The following TNFSF10 variants were observed in gnomAD, a reference collection of about 807,000 sequenced individuals.
The protein encoded by TNFSF10 is tumor necrosis factor ligand superfamily member 10.
TNFSF10 carries 13 observed loss-of-function variants against 29.5 expected under a neutral mutation model. The observed-to-expected ratio is 0.44, with a 90% CI of 0.29 to 0.70. The LOEUF (loss-of-function observed/expected upper bound fraction) is 0.70, where lower values mean the gene tolerates loss of function less well. TNFSF10 is among the 30% of genes least tolerant of loss of function. The pLI is 0.13. For synonymous variants in TNFSF10, 111 were observed against 112.8 expected, an observed-to-expected ratio of 0.98 and a Z score of 0.10; for missense variants, 345 against 330.9, an observed-to-expected ratio of 1.04 and a Z score of -0.33.
chr3:172,519,153 C>T (rs538738991), intron 1 of TNFSF10, among the ~76,000 whole-genome samples: 27 of 152,296 alleles, frequency 1.8e-4, no homozygotes, highest in Admixed American at 1.7e-3. Context: ...GTTGCTGGTA[C>T]ACAGTAATTG....
chr3:172,509,446 T>C (rs1713127844), intron 3 of TNFSF10, 125 bp from the exon 4 acceptor site: 1 of 601,934 alleles, frequency 1.7e-6, no homozygotes, highest in African/African-American at 1.9e-5. Flanking sequence ...ATTCTATGAG[T>C]TTTCATAAAA....
At chr3:172,522,336 C>T (rs1025446581) in intron 1 of TNFSF10, 3 of 983,476 alleles carry the variant, frequency 3.1e-6, no homozygotes, top group Admixed American at 1.7e-5. Flanking sequence ...AGCTACATTA[C>T]AGATTTTTTC....
intron 1 of TNFSF10, among the ~76,000 whole-genome samples, chr3:172,516,493 C>A (rs780690493): frequency 6.6e-6 from 1 of 152,178 alleles, no homozygotes; most frequent in Non-Finnish European, 1.5e-5. Flanking sequence ...AGCCATGTAA[C>A]CCTTGGACAT....
At chr3:172,512,110 A>G (rs931036300) in intron 2 of TNFSF10, among the ~76,000 whole-genome samples, 1 of 152,108 alleles carries the variant, frequency 6.6e-6, no homozygotes, top group Non-Finnish European at 1.5e-5. Context: ...TATTGGACAG[A>G]CCCAAGCCTC....
intron 4 of TNFSF10, among the ~76,000 whole-genome samples, chr3:172,507,949 A>G (rs575930416): frequency 6.6e-6 from 1 of 152,356 alleles, no homozygotes; most frequent in Non-Finnish European, 1.5e-5. Context: ...ATCTTTGCAT[A>G]TGAAGAAACT....
At chr3:172,522,081 T>TA (rs36100137) in intron 1 of TNFSF10, 181,775 of 210,110 alleles carry the variant, frequency 0.87, 78,902 homozygotes, top group East Asian at 1. Flanking sequence ...TTAGAACAAA[T>TA]CCTAATGCCT....
At chr3:172,515,317 T>C (rs1195469294) in intron 1 of TNFSF10, among the ~76,000 whole-genome samples, 1 of 152,186 alleles carries the variant, frequency 6.6e-6, no homozygotes, top group Non-Finnish European at 1.5e-5. Flanking sequence ...TGTGTCTGTT[T>C]ATAGTTTTGA....
intron 1 of TNFSF10, among the ~76,000 whole-genome samples, chr3:172,519,368 TGAGTA>T (rs150235139): frequency 0.3 from 45,848 of 151,744 alleles, 7,753 homozygotes; most frequent in African/African-American, 0.45. Context: ...ATGAGTCAGT[TGAGTA>T]AAGAACTGGT....
chr3:172,516,174 T>G (rs374226058), intron 1 of TNFSF10, among the ~76,000 whole-genome samples: 11 of 150,406 alleles, frequency 7.3e-5, no homozygotes, highest in Admixed American at 5.3e-4. Context: ...TGAGGCAGGA[T>G]AATGGTGTGA....
intron 4 of TNFSF10, among the ~76,000 whole-genome samples, chr3:172,508,632 G>A (rs1339076240): frequency 1.3e-5 from 2 of 152,146 alleles, no homozygotes; most frequent in African/African-American, 2.4e-5. Context: ...GCTCACACCT[G>A]TAATCCCAGC....
chr3:172,506,378 T>G lies in TNFSF10; in HGVS notation c.*114A>C. On this transcript the variant is annotated 3_prime_UTR_variant, in exon 5 of 5. Transcript: ENST00000241261. ...CTCAGATTGCATAGAGGTTTTTTTG[T>G]TTTCTGTTTTCTGTTTGTTTGTTTT... is the stretch of plus-strand genomic sequence containing the variant. 1 of 1,348,256 alleles carries G rather than the reference T, an allele frequency of 7.4e-7. No homozygotes were observed. Among genetic ancestry groups the G allele is most frequent in the Non-Finnish European group, 9.9e-7 (1 of 1,005,888 alleles). The allele number at this position is 1,348,256 out of a possible 1,614,324, so 83.5% of individuals were successfully genotyped here. A position where few individuals can be genotyped will look rare whatever the true frequency, so the allele number is the denominator to read the frequency against.
intron 1 of TNFSF10, chr3:172,518,612 C>T (rs1449901114): frequency 3.5e-6 from 2 of 566,352 alleles, no homozygotes; most frequent in Non-Finnish European, 5.6e-6. Flanking sequence ...GGGCTAAGCC[C>T]ATATTTGTTG....
chr3:172,523,385 G>T lies in TNFSF10; in HGVS notation c.-1C>A, dbSNP rs771901774. The T allele has an allele frequency of 5.6e-6, 9 of 1,612,048 alleles. No homozygotes were observed. The highest frequency in any genetic ancestry group is 7.6e-6 in the Non-Finnish European group (9 of 1,178,520). On this transcript the variant is annotated 5_prime_UTR_variant, in exon 1 of 5. Transcript: ENST00000241261. The stretch of plus-strand genomic sequence containing the variant: ...CCCCCTGGACCTCCATCATAGCCAT[G>T]ATCCTGTCAGAGTCTGACTGCTGTA...
chr3:172,511,560 A>G lies in TNFSF10; in HGVS notation c.313+57T>C. Reference sequence around the variant, plus strand: ...AGAGAAGGAGAATGGAGAACTATTCACAACCTGTCATGAAGATGACAGTAA... The same window carrying G: ...AGAGAAGGAGAATGGAGAACTATTCGCAACCTGTCATGAAGATGACAGTAA... On this transcript the variant is annotated intron_variant, in intron 3 of 4. Transcript: ENST00000241261. 3 of 1,414,964 alleles carry G rather than the reference A, an allele frequency of 2.1e-6. 1 individual carries two copies. The highest frequency in any genetic ancestry group is 2.4e-5 in the South Asian group (2 of 82,444). The allele number at this position is 1,414,964 out of a possible 1,614,324, so 87.7% of individuals were successfully genotyped here.
intron 1 of TNFSF10, chr3:172,522,305 C>T: frequency 1.3e-6 from 1 of 769,642 alleles, no homozygotes; most frequent in Non-Finnish European, 2.4e-6. Context: ...CTGCTGTGTG[C>T]TATTGGATAA....
At chr3:172,518,586 G>C in intron 1 of TNFSF10, 1 of 770,808 alleles carries the variant, frequency 1.3e-6, no homozygotes, top group South Asian at 1.6e-5. Context: ...CTTTCTCAGA[G>C]GGACACAGAT....
At position 172,506,423 on chromosome 3, in the gene TNFSF10, T is replaced by A. The variant is rs1257603116; in HGVS notation, c.*69A>T. The A allele has an allele frequency of 1.3e-6, 2 of 1,493,034 alleles. No homozygotes were observed. Among genetic ancestry groups the A allele is most frequent in the Admixed American group, 4.6e-5 (2 of 43,390 alleles). The allele number at this position is 1,493,034 out of a possible 1,614,324, so 92.5% of individuals were successfully genotyped here. A position where few individuals can be genotyped will look rare whatever the true frequency, so the allele number is the denominator to read the frequency against. ...TGTTTTGGTCAGATTTTTTGAAACATCTTCATAGTGTATCATCCTGAAAAC... is the reference window on the plus strand; with the variant it reads ...TGTTTTGGTCAGATTTTTTGAAACAACTTCATAGTGTATCATCCTGAAAAC... On this transcript the variant is annotated 3_prime_UTR_variant, in exon 5 of 5. Transcript: ENST00000241261.
At chr3:172,507,924 G>T (rs1713057727) in intron 4 of TNFSF10, among the ~76,000 whole-genome samples, 2 of 152,174 alleles carry the variant, frequency 1.3e-5, no homozygotes, top group Admixed American at 6.5e-5. Flanking sequence ...CATTTTGTGG[G>T]TTAAGATTTG....
intron 1 of TNFSF10, among the ~76,000 whole-genome samples, chr3:172,516,394 C>T (rs1713440330): frequency 6.6e-6 from 1 of 152,130 alleles, no homozygotes; most frequent in Non-Finnish European, 1.5e-5. Flanking sequence ...ATGATTCACT[C>T]CTTCCTATAG....
Sources: allele counts gnomAD v4.1 joint callset (sites outside exome capture counted in the v4.1 genomes callset), GRCh38; gene constraint gnomAD v4.1.1; transcripts MANE v1.5; gene names NCBI Gene and HGNC (gene_info 2026-07-23, HGNC 2026-07-21).